PRKN: variants seen among roughly 807,000 people sequenced by gnomAD.
PRKN encodes the protein parkin RBR E3 ubiquitin protein ligase.
A neutral mutation model predicts 59.5 loss-of-function variants in PRKN; 56 were observed. The ratio of observed to expected loss-of-function variants is 0.94; its 90% CI spans 0.76 to 1.18. The LOEUF is 1.18. Ranked by LOEUF, PRKN falls within the 50% of genes most tolerant of loss-of-function variation. The probability of loss-of-function intolerance (pLI) is 0.00; values close to 1 mark genes in which losing one functional copy is unlikely to be tolerated. For missense variants in PRKN, 657 were observed against 596.4 expected (o/e 1.10, Z -1.06); for synonymous variants, 250 against 222.1 (o/e 1.13, Z -1.12).
intron 6 of PRKN, among the ~76,000 whole-genome samples, chr6:161,891,892 G>C (rs571311344): frequency 2.0e-5 from 3 of 152,178 alleles, no homozygotes; most frequent in African/African-American, 7.2e-5. Flanking sequence ...GCTGTTGCAC[G>C]CTTGTTAGAG....
At chr6:161,586,930 A>G (rs1271718553) in intron 7 of PRKN, among the ~76,000 whole-genome samples, 1 of 152,214 alleles carries the variant, frequency 6.6e-6, no homozygotes, top group Non-Finnish European at 1.5e-5. Context: ...AGCAAGCTAC[A>G]TATAATGAGA....
chr6:162,573,126 T>C (rs901325635), intron 1 of PRKN, among the ~76,000 whole-genome samples: 1 of 152,218 alleles, frequency 6.6e-6, no homozygotes, highest in African/African-American at 2.4e-5. Flanking sequence ...TTTCCATTTT[T>C]AGAATGTCTT....
At chr6:161,452,782 T>C (rs2115129971) in intron 9 of PRKN, among the ~76,000 whole-genome samples, 1 of 152,202 alleles carries the variant, frequency 6.6e-6, no homozygotes, top group South Asian at 2.1e-4. Flanking sequence ...TGGAGCCCTA[T>C]TTATAGTTGC....
At chr6:161,995,109 A>G (rs180832826) in intron 5 of PRKN, among the ~76,000 whole-genome samples, 1 of 152,176 alleles carries the variant, frequency 6.6e-6, no homozygotes, top group African/African-American at 2.4e-5. Flanking sequence ...GCAATGGAAC[A>G]AAATAGTGAA....
intron 9 of PRKN, among the ~76,000 whole-genome samples, chr6:161,441,719 T>C (rs529128324): frequency 4.0e-5 from 6 of 150,502 alleles, no homozygotes; most frequent in African/African-American, 9.8e-5. Context: ...TCCCCGCAGT[T>C]CCCAGAGCTG....
chr6:162,005,511 G>GCT (rs149229669), intron 5 of PRKN, among the ~76,000 whole-genome samples: 8,296 of 151,200 alleles, frequency 0.055, 811 homozygotes, highest in African/African-American at 0.19. Flanking sequence ...GCACATGCTT[G>GCT]CTCTCTCTCT....
intron 6 of PRKN, among the ~76,000 whole-genome samples, chr6:161,938,307 T>C (rs1054682506): frequency 3.9e-5 from 6 of 152,216 alleles, no homozygotes; most frequent in African/African-American, 1.4e-4. Context: ...CAAGAGAGTT[T>C]ACCCAAATTT....
At chr6:162,025,870 TGA>T (rs1231400238) in intron 5 of PRKN, among the ~76,000 whole-genome samples, 2 of 151,982 alleles carry the variant, frequency 1.3e-5, no homozygotes, top group Non-Finnish European at 2.9e-5. Flanking sequence ...ATTACAGACA[TGA>T]GGCACTGCCC....
intron 4 of PRKN, among the ~76,000 whole-genome samples, chr6:162,172,745 T>C (rs1021905778): frequency 5.9e-5 from 9 of 152,114 alleles, no homozygotes; most frequent in Non-Finnish European, 1.3e-4. Context: ...GTTCCTATTC[T>C]TGGAAATGAA....
intron 6 of PRKN, among the ~76,000 whole-genome samples, chr6:161,945,578 C>G (rs776181728): frequency 6.6e-6 from 1 of 152,146 alleles, no homozygotes; most frequent in African/African-American, 2.4e-5. Context: ...TAGGACTTAA[C>G]AGTAACCTAT....
At chr6:162,138,412 G>C (rs1425248637) in intron 4 of PRKN, among the ~76,000 whole-genome samples, 1 of 152,126 alleles carries the variant, frequency 6.6e-6, no homozygotes, top group Admixed American at 6.6e-5. Flanking sequence ...ATGTCGACTA[G>C]CTCAACTGTT....
intron 6 of PRKN, among the ~76,000 whole-genome samples, chr6:161,868,761 A>G (rs1445783325): frequency 6.6e-6 from 1 of 152,202 alleles, no homozygotes; most frequent in Non-Finnish European, 1.5e-5. Flanking sequence ...TATAAATTAT[A>G]CATCAGATAA....
chr6:161,784,227 A>G (rs1437596145), intron 7 of PRKN, among the ~76,000 whole-genome samples: 1 of 152,228 alleles, frequency 6.6e-6, no homozygotes, highest in African/African-American at 2.4e-5. Flanking sequence ...TCATGATCTC[A>G]GATATGGCAA....
At chr6:161,850,113 A>G (rs1246740508) in intron 6 of PRKN, among the ~76,000 whole-genome samples, 1 of 152,156 alleles carries the variant, frequency 6.6e-6, no homozygotes, top group Non-Finnish European at 1.5e-5. Flanking sequence ...CGTCACAGGT[A>G]CTGGACACTG....
intron 9 of PRKN, among the ~76,000 whole-genome samples, chr6:161,474,593 A>C (rs1790971857): frequency 6.7e-6 from 1 of 149,872 alleles, no homozygotes; most frequent in East Asian, 1.9e-4. Context: ...TATGTTCACC[A>C]TTACTTTTTT....
chr6:162,691,527 T>C (rs1777774369), intron 1 of PRKN, among the ~76,000 whole-genome samples: 1 of 152,116 alleles, frequency 6.6e-6, no homozygotes, highest in South Asian at 2.1e-4. Context: ...CCACCAATTA[T>C]CTCATTGGAT....
intron 1 of PRKN, among the ~76,000 whole-genome samples, chr6:162,506,618 G>A (rs1439068553): frequency 6.6e-6 from 1 of 152,166 alleles, no homozygotes; most frequent in Admixed American, 6.5e-5. Flanking sequence ...TTTAGGAAGA[G>A]GTGGGATAAA....
At chr6:162,547,012 C>T (rs768016721) in intron 1 of PRKN, among the ~76,000 whole-genome samples, 5 of 152,160 alleles carry the variant, frequency 3.3e-5, no homozygotes, top group Non-Finnish European at 5.9e-5. Context: ...AAGGGGCTTG[C>T]TATTCTACTA....
intron 7 of PRKN, among the ~76,000 whole-genome samples, chr6:161,742,100 C>T (rs948189447): frequency 2.6e-5 from 4 of 151,996 alleles, no homozygotes; most frequent in Non-Finnish European, 5.9e-5. Context: ...CTCCTGAGTA[C>T]CCGGGATTAC....
Sources: allele counts gnomAD v4.1 joint callset (sites outside exome capture counted in the v4.1 genomes callset), GRCh38; gene constraint gnomAD v4.1.1; transcripts MANE v1.5; gene names NCBI Gene and HGNC (gene_info 2026-07-23, HGNC 2026-07-21).